LINGO2: variants seen among roughly 807,000 people sequenced by gnomAD.
LINGO2 encodes the protein leucine rich repeat and Ig domain containing 2, also known as leucine-rich repeat and immunoglobulin-like domain-containing nogo receptor-interacting protein 2.
In LINGO2, 14 loss-of-function variants were observed where a neutral mutation model predicts 30.6. The ratio of observed to expected loss-of-function variants is 0.46; its 90% CI spans 0.30 to 0.72. LINGO2 has a LOEUF of 0.72. LINGO2 is among the 30% of genes least tolerant of loss of function. The pLI, the probability that LINGO2 is intolerant of heterozygous loss-of-function variation, is 0.07. For missense variants in LINGO2, 729 were observed against 751.7 expected (o/e 0.97, Z 0.35); for synonymous variants, 317 against 288.5 (o/e 1.10, Z -1.00).
chr9:28,663,122 CCGA>C (rs139867946), intron 1 of LINGO2, among the ~76,000 whole-genome samples: 3,782 of 152,122 alleles, frequency 0.025, 161 homozygotes, highest in African/African-American at 0.084. Context: ...TTCTTTTCTG[CCGA>C]CAAGTAGATG....
At chr9:28,928,848 C>T in the LINGO2 span, among the ~76,000 whole-genome samples, 11 of 152,066 alleles carry the variant, frequency 7.2e-5, no homozygotes, top group African/African-American at 2.7e-4. Flanking sequence ...GCAATCGGCC[C>T]CGTATGTGAG....
chr9:28,365,956 T>G, intron 3 of LINGO2, among the ~76,000 whole-genome samples: 1 of 151,846 alleles, frequency 6.6e-6, no homozygotes, highest in Non-Finnish European at 1.5e-5. Flanking sequence ...GAGTCAGGAG[T>G]CAGTCCTTTC....
At chr9:28,544,759 ATATAT>A (rs1398409259) in intron 1 of LINGO2, among the ~76,000 whole-genome samples, 4 of 149,346 alleles carry the variant, frequency 2.7e-5, no homozygotes, top group East Asian at 1.9e-4. Flanking sequence ...ATATTATGTT[ATATAT>A]TATATTATAT....
At chr9:28,681,846 C>G in the LINGO2 span, among the ~76,000 whole-genome samples, 1 of 152,082 alleles carries the variant, frequency 6.6e-6, no homozygotes, top group African/African-American at 2.4e-5. Context: ...AGAATACAGA[C>G]TAGAGAGAAA....
intron 4 of LINGO2, among the ~76,000 whole-genome samples, chr9:28,250,034 A>T (rs1396842305): frequency 6.6e-6 from 1 of 152,164 alleles, no homozygotes; most frequent in Non-Finnish European, 1.5e-5. Flanking sequence ...AAACCTGTTT[A>T]TAAAGGCAAG....
At chr9:28,127,317 C>T (rs1443035240) in intron 4 of LINGO2, among the ~76,000 whole-genome samples, 2 of 152,140 alleles carry the variant, frequency 1.3e-5, no homozygotes, top group Non-Finnish European at 2.9e-5. Flanking sequence ...GGAAGACAGC[C>T]ACATGTAAAG....
chr9:28,382,465 T>A (rs1021775119), intron 2 of LINGO2, among the ~76,000 whole-genome samples: 1 of 152,148 alleles, frequency 6.6e-6, no homozygotes, highest in Non-Finnish European at 1.5e-5. Context: ...TCATTTATTT[T>A]AAGGACAGAA....
At chr9:28,674,233 T>G (rs553576950), upstream of LINGO2, among the ~76,000 whole-genome samples, 158 of 151,234 alleles carry the variant, frequency 1.0e-3, 2 homozygotes, top group Non-Finnish European at 1.9e-3. Flanking sequence ...TATAAAATAA[T>G]AACTGTGGCT....
rs993724279 is a variant in LINGO2 at position 28,559,542 on chromosome 9, T to A, written c.-364-83517A>T. Among the ~76,000 whole-genome samples the A allele has an allele frequency of 2.6e-5, 4 of 152,274 alleles. No homozygotes were observed. The East Asian group carries it at 7.7e-4, about 29-fold the overall frequency. On this transcript the variant is annotated intron_variant, in intron 1 of 5. Coordinates refer to ENST00000379992, the Ensembl canonical transcript of LINGO2. ...CCAAGATCCTACAGTACATGGCCAC[T>A]GACGGCCTTTGGTATATGACTGTGT... is the stretch of plus-strand genomic sequence containing the variant.
chr9:28,579,121 T>C (rs1351308659), intron 1 of LINGO2, among the ~76,000 whole-genome samples: 1 of 151,918 alleles, frequency 6.6e-6, no homozygotes. Context: ...CTATCCATCC[T>C]TTATGGAAAT....
At chr9:28,980,264 G>C in the LINGO2 span, among the ~76,000 whole-genome samples, 1 of 152,060 alleles carries the variant, frequency 6.6e-6, no homozygotes, top group African/African-American at 2.4e-5. Context: ...CTCACCAAGA[G>C]TATTGCAGGA....
the LINGO2 span, among the ~76,000 whole-genome samples, chr9:29,150,732 C>T: frequency 7.2e-5 from 11 of 152,200 alleles, no homozygotes; most frequent in African/African-American, 2.6e-4. Flanking sequence ...CGAACAAAAC[C>T]TCTGAGAAAT....
chr9:29,041,039 C>T, the LINGO2 span, among the ~76,000 whole-genome samples: 60,455 of 151,676 alleles, frequency 0.4, 12,243 homozygotes, highest in East Asian at 0.54. Flanking sequence ...CTATTGTGCA[C>T]TCTTCTTTCA....
intron 3 of LINGO2, among the ~76,000 whole-genome samples, chr9:28,316,171 T>A (rs1824838656): frequency 6.6e-6 from 1 of 152,008 alleles, no homozygotes. Flanking sequence ...TAAATGTTAG[T>A]TATAAAAACA....
chr9:28,294,434 CTG>C (rs901463655), intron 4 of LINGO2, among the ~76,000 whole-genome samples: 1 of 152,114 alleles, frequency 6.6e-6, no homozygotes, highest in Non-Finnish European at 1.5e-5. Flanking sequence ...TTCAAATAAA[CTG>C]TTAAAATTTC....
intron 4 of LINGO2, among the ~76,000 whole-genome samples, chr9:28,163,081 A>G (rs1010416657): frequency 1.3e-5 from 2 of 152,166 alleles, no homozygotes; most frequent in African/African-American, 2.4e-5. Flanking sequence ...GAAATTTAAA[A>G]GCTAGAGAAG....
intron 2 of LINGO2, among the ~76,000 whole-genome samples, chr9:28,395,264 C>G (rs1055962650): frequency 6.6e-6 from 1 of 151,626 alleles, no homozygotes; most frequent in African/African-American, 2.4e-5. Flanking sequence ...TTATAAGAAA[C>G]GAAGGAGATA....
the LINGO2 span, among the ~76,000 whole-genome samples, chr9:28,943,151 G>A: frequency 2.8e-3 from 429 of 152,274 alleles, 2 homozygotes; most frequent in African/African-American, 9.7e-3. Context: ...CGCAATCTCA[G>A]GCTGGGTCCC....
the LINGO2 span, among the ~76,000 whole-genome samples, chr9:28,855,667 A>G: frequency 6.6e-6 from 1 of 152,038 alleles, no homozygotes; most frequent in Non-Finnish European, 1.5e-5. Context: ...ACACACACAC[A>G]TACACACACA....
Sources: allele counts gnomAD v4.1 joint callset (sites outside exome capture counted in the v4.1 genomes callset), GRCh38; gene constraint gnomAD v4.1.1; transcripts MANE v1.5; gene names NCBI Gene and HGNC (gene_info 2026-07-23, HGNC 2026-07-21).